Variants in AGAP1 observed in about 807,000 individuals in gnomAD.
AGAP1 encodes the protein ArfGAP with GTPase domain, ankyrin repeat and PH domain 1.
In AGAP1, 29 loss-of-function variants were observed where a neutral mutation model predicts 105.3. The observed-to-expected ratio is 0.28, with a 90% CI of 0.21 to 0.38. The LOEUF (loss-of-function observed/expected upper bound fraction) is 0.38. AGAP1 is among the 10% of genes least tolerant of loss of function. AGAP1 has a pLI of 1.00. For synonymous variants in AGAP1, 509 were observed against 485.9 expected, an observed-to-expected ratio of 1.05 and a Z score of -0.63; for missense variants, 998 against 1,165.1, an observed-to-expected ratio of 0.86 and a Z score of 2.09.
Position 236,047,598 on chromosome 2 carries a change from C to CTTTTTTTTTTT in AGAP1, c.1892-1449_1892-1439dup, listed in dbSNP as rs59007077. 8.4e-3 allele frequency among the ~76,000 whole-genome samples: 571 copies of CTTTTTTTTTTT among 68,292 alleles called. 43 individuals are homozygous for CTTTTTTTTTTT. Among genetic ancestry groups the CTTTTTTTTTTT allele is most frequent in the East Asian group, 0.021 (36 of 1,680 alleles). 44.8% of individuals were successfully genotyped at this position (68,292 alleles called of 152,430 possible). A position where few individuals can be genotyped will look rare whatever the true frequency, so the allele number is the denominator to read the frequency against. On this transcript the variant is annotated intron_variant, in intron 15 of 17. Transcript: ENST00000304032. ...GTCACAGACCTCTCTTCTCACATTT[C>CTTTTTTTTTTT]TTTTTTTTTTTTTTTTTTTTTTGAG...
rs1321095776 is a variant in AGAP1 at position 236,005,769 on chromosome 2, G to A, written c.1646-30792G>A. 6.6e-6 allele frequency among the ~76,000 whole-genome samples: 1 copy of A among 152,206 alleles called. No homozygotes were observed. Among genetic ancestry groups the A allele is most frequent in the African/African-American group, 2.4e-5 (1 of 41,454 alleles). ...TTCATCTTGAGTTACAAGTTTTGTG[G>A]AGAAGGACCACAGGGTGAAGTGCTA... is the stretch of plus-strand genomic sequence containing the variant. On this transcript the variant is annotated intron_variant, in intron 13 of 17. Transcript: ENST00000304032. This position sits in a 1 kb window ranked among gnomAD's most constrained non-coding sequence, Gnocchi z 4.1.
At chr2:236,023,607 T>C (rs1395608188) in intron 13 of AGAP1, among the ~76,000 whole-genome samples, 1 of 152,160 alleles carries the variant, frequency 6.6e-6, no homozygotes, top group Non-Finnish European at 1.5e-5. Context: ...GGTTATTTTC[T>C]GCCCAGGCCT....
In AGAP1 at chr2:235,612,210, C is replaced by T. The variant is rs574922264; in HGVS notation, c.164-96969C>T. 9.9e-5 allele frequency among the ~76,000 whole-genome samples: 15 copies of T among 152,224 alleles called. No individual in the cohort carries two copies. The highest frequency in any genetic ancestry group is 7.7e-4 in the East Asian group (4 of 5,178). On this transcript the variant is annotated intron_variant, in intron 1 of 17. Transcript: ENST00000304032. The surrounding 1 kb of genome is among the most constrained non-coding windows in gnomAD (Gnocchi z 4.3). The stretch of plus-strand genomic sequence containing the variant: ...ACCTGCTGCTTGGGTGTACGCTGGG[C>T]GGGTTCGCAGTGCTGGAAGAGAGAG...
intron 1 of AGAP1, among the ~76,000 whole-genome samples, chr2:235,593,238 CGTGGGTAACAA>C (rs1276389895): frequency 6.6e-6 from 1 of 152,052 alleles, no homozygotes; most frequent in African/African-American, 2.4e-5. Context: ...TCTTGCAGCA[CGTGGGTAACAA>C]GTGGATTGGG....
At chr2:236,064,418 C>T (rs911333937) in intron 16 of AGAP1, among the ~76,000 whole-genome samples, 9 of 152,016 alleles carry the variant, frequency 5.9e-5, no homozygotes, top group South Asian at 2.1e-4. Context: ...TGTTGAAATC[C>T]TGTCTGTACT....
chr2:236,078,155 G>GGTGTGTGT lies in AGAP1; in HGVS notation c.2114+28887_2114+28894dup, dbSNP rs145700440. ...AAGTGTGTAGGGCAGGCCAGCCGGG[G>GGTGTGTGT]GTGTGTGTGTGTGTGTGTGTATATG... On this transcript the variant is annotated intron_variant, in intron 16 of 17. Transcript: ENST00000304032. The surrounding 1 kb of genome is among the most constrained non-coding windows in gnomAD (Gnocchi z 5.3). Among the ~76,000 whole-genome samples the GGTGTGTGT allele has an allele frequency of 3.4e-3, 496 of 146,472 alleles. 4 individuals carry two copies. Among genetic ancestry groups the GGTGTGTGT allele is most frequent in the African/African-American group, 0.012 (469 of 39,964 alleles).
chr2:235,613,241 C>T (rs938034678), intron 1 of AGAP1, among the ~76,000 whole-genome samples: 1 of 152,154 alleles, frequency 6.6e-6, no homozygotes, highest in Admixed American at 6.5e-5. Flanking sequence ...AGTCATCTGC[C>T]TGCCTCGGCT....
At chr2:235,654,763 T>C (rs1403319906) in intron 1 of AGAP1, among the ~76,000 whole-genome samples, 1 of 152,236 alleles carries the variant, frequency 6.6e-6, no homozygotes, top group Non-Finnish European at 1.5e-5. Context: ...TGCTTGATGA[T>C]AATTTCATCA....
rs1378487173 is a variant in AGAP1 at position 235,900,984 on chromosome 2, TC to T, written c.1156-7752del. Among the ~76,000 whole-genome samples the T allele has an allele frequency of 6.6e-6, 1 of 152,218 alleles. No individual in the cohort carries two copies. The highest frequency in any genetic ancestry group is 2.4e-5 in the African/African-American group (1 of 41,454). On this transcript the variant is annotated intron_variant, in intron 10 of 17. Coordinates refer to ENST00000304032, the MANE Select transcript of AGAP1 (RefSeq NM_001037131.3). This position sits in a 1 kb window ranked among gnomAD's most constrained non-coding sequence, Gnocchi z 5.5. Reference sequence around the variant, plus strand: ...TCCTACCTTGCTATTGTGACTATGATCCTTTGGGGAGAAGAGTAATTGTCTT... The same window carrying T: ...TCCTACCTTGCTATTGTGACTATGATCTTTGGGGAGAAGAGTAATTGTCTT...
Position 235,734,184 on chromosome 2 carries a change from T to C in AGAP1, c.311-6779T>C, listed in dbSNP as rs77950332. ...TTAGGGAATAATACAGTTTGCAGATTTTCTCCCGATGTCATCATGGCACTC... is the reference window on the plus strand; with the variant it reads ...TTAGGGAATAATACAGTTTGCAGATCTTCTCCCGATGTCATCATGGCACTC... On this transcript the variant is annotated intron_variant, in intron 3 of 17. Transcript: ENST00000304032. The surrounding 1 kb of genome is among the most constrained non-coding windows in gnomAD (Gnocchi z 5.3). 6.4e-3 allele frequency among the ~76,000 whole-genome samples: 975 copies of C among 152,322 alleles called. 17 individuals carry two copies. The highest frequency in any genetic ancestry group is 0.022 in the African/African-American group (929 of 41,562).
At chr2:235,757,069 C>G (rs1330856570) in intron 6 of AGAP1, among the ~76,000 whole-genome samples, 1 of 152,194 alleles carries the variant, frequency 6.6e-6, no homozygotes, top group Non-Finnish European at 1.5e-5. Context: ...TGCTCCCCAC[C>G]AAAACGTCAG....
At chr2:235,571,577 C>T (rs1401890080) in intron 1 of AGAP1, among the ~76,000 whole-genome samples, 2 of 152,222 alleles carry the variant, frequency 1.3e-5, no homozygotes, top group African/African-American at 2.4e-5. Context: ...CCTACACTTC[C>T]TTTGTATCTA....
chr2:235,935,026 G>T (rs1229817638), intron 12 of AGAP1, among the ~76,000 whole-genome samples: 1 of 152,150 alleles, frequency 6.6e-6, no homozygotes, highest in Non-Finnish European at 1.5e-5. Context: ...AGATTCCTTT[G>T]TAGGGGCAAC....
chr2:235,938,185 A>T (rs1009686726), intron 12 of AGAP1, among the ~76,000 whole-genome samples: 1 of 152,168 alleles, frequency 6.6e-6, no homozygotes, highest in Non-Finnish European at 1.5e-5. Flanking sequence ...ACAGGCCCCC[A>T]GGAGATGAGT....
intron 16 of AGAP1, among the ~76,000 whole-genome samples, chr2:236,091,241 C>G (rs890653736): frequency 6.6e-6 from 1 of 152,172 alleles, no homozygotes; most frequent in South Asian, 2.1e-4. Flanking sequence ...AGACGGAGGT[C>G]GCTGCTAGTC....
chr2:235,643,650 G>A (rs1281926201), intron 1 of AGAP1, among the ~76,000 whole-genome samples: 1 of 151,510 alleles, frequency 6.6e-6, no homozygotes, highest in African/African-American at 2.4e-5. Flanking sequence ...CCCTGGAAAA[G>A]TCATTAGGAA....
At position 235,623,470 on chromosome 2, in the gene AGAP1, A is replaced by G. The variant is rs935781147; in HGVS notation, c.164-85709A>G. On this transcript the variant is annotated intron_variant, in intron 1 of 17. Coordinates refer to ENST00000304032, the MANE Select transcript of AGAP1 (RefSeq NM_001037131.3). The surrounding 1 kb of genome is among the most constrained non-coding windows in gnomAD (Gnocchi z 4.5). ...TTTGCTGCTTCAAGGTTTCAGGATG[A>G]CACAAGCCATCGGGTTGAGTGTGTT... Among the ~76,000 whole-genome samples, 1 of 152,190 alleles carries G rather than the reference A, an allele frequency of 6.6e-6. No homozygotes were observed. The highest frequency in any genetic ancestry group is 1.5e-5 in the Non-Finnish European group (1 of 68,030).
At chr2:236,066,033 C>T (rs1423080652) in intron 16 of AGAP1, among the ~76,000 whole-genome samples, 3 of 152,168 alleles carry the variant, frequency 2.0e-5, no homozygotes, top group Non-Finnish European at 4.4e-5. Flanking sequence ...GGGATGTGCC[C>T]TCAGTAATGG....
intron 1 of AGAP1, among the ~76,000 whole-genome samples, chr2:235,560,420 A>G (rs1047751671): frequency 2.0e-5 from 3 of 151,890 alleles, no homozygotes; most frequent in Non-Finnish European, 2.9e-5. Flanking sequence ...TGGCCCCGAG[A>G]TGCCTGTCCC....
Sources: allele counts gnomAD v4.1 joint callset (sites outside exome capture counted in the v4.1 genomes callset), GRCh38; gene constraint gnomAD v4.1.1; non-coding constraint Gnocchi (gnomAD v3.1); transcripts MANE v1.5; gene names NCBI Gene and HGNC (gene_info 2026-07-23, HGNC 2026-07-21).